The following APBB1IP variants were observed in gnomAD, a reference collection of about 807,000 sequenced individuals.
APBB1IP encodes the protein amyloid beta A4 precursor protein-binding family B member 1-interacting protein.
In APBB1IP, 27 loss-of-function variants were observed where a neutral mutation model predicts 64.9. The observed-to-expected ratio is 0.42, with a 90% CI of 0.31 to 0.57. APBB1IP has a LOEUF of 0.57. Among genes scored for constraint, APBB1IP ranks in the 20% least tolerant of loss-of-function variants. The pLI, the probability that APBB1IP is intolerant of heterozygous loss-of-function variation, is 0.20. For synonymous variants in APBB1IP, 392 were observed against 331.0 expected (o/e 1.18, Z -2.00); for missense variants, 812 against 845.5 (o/e 0.96, Z 0.49).
chr10:26,448,201 T>G (rs982755868), intron 2 of APBB1IP, among the ~76,000 whole-genome samples: 11 of 127,284 alleles, frequency 8.6e-5, no homozygotes, highest in African/African-American at 3.4e-4. Context: ...AATAGTAAGA[T>G]TATTTCATTT....
In APBB1IP at chr10:26,536,130, G is replaced by A. The variant is rs777572742; in HGVS notation, c.957G>A (p.Leu319=). The change falls in exon 10 of 15, where the codon TTG becomes TTA. Residue 319 remains leucine (L), a synonymous_variant. Transcript: ENST00000376236. ...IVPELEGALY[L]KEDGKKSWKR... ...CAGAACTGGAAGGAGCTCTTTATTTGAAAGAAGATGGAAAGAAATCCTGGA... is the reference window on the plus strand; with the variant it reads ...CAGAACTGGAAGGAGCTCTTTATTTAAAAGAAGATGGAAAGAAATCCTGGA... 5.0e-6 allele frequency: 8 copies of A among 1,604,432 alleles called. No individual in the cohort carries two copies. Among genetic ancestry groups the A allele is most frequent in the Non-Finnish European group, 6.8e-6 (8 of 1,176,324 alleles).
intron 2 of APBB1IP, among the ~76,000 whole-genome samples, chr10:26,455,675 G>A (rs1209693339): frequency 3.4e-5 from 5 of 148,828 alleles, no homozygotes; most frequent in African/African-American, 7.3e-5. Context: ...CAGCTGTTTA[G>A]AGTTTTGGGG....
chr10:26,455,345 T>C (rs554172312), intron 2 of APBB1IP, among the ~76,000 whole-genome samples: 1 of 151,840 alleles, frequency 6.6e-6, no homozygotes, highest in African/African-American at 2.4e-5. Context: ...CTGGCCAACA[T>C]GGTGAAGCCC....
chr10:26,472,265 A>G (rs1029583268), intron 2 of APBB1IP, among the ~76,000 whole-genome samples: 17 of 152,226 alleles, frequency 1.1e-4, no homozygotes, highest in Non-Finnish European at 2.1e-4. Context: ...CACATTTTCA[A>G]CAATAGAGCT....
chr10:26,559,485 G>A (rs1836938947), intron 11 of APBB1IP, among the ~76,000 whole-genome samples: 1 of 152,156 alleles, frequency 6.6e-6, no homozygotes, highest in Admixed American at 6.5e-5. Flanking sequence ...GCTGAGGAGG[G>A]AGGATCTCTT....
At chr10:26,509,934 GTCTC>G (rs1564364582) in intron 6 of APBB1IP, among the ~76,000 whole-genome samples, 1 of 152,066 alleles carries the variant, frequency 6.6e-6, no homozygotes, top group Non-Finnish European at 1.5e-5. Flanking sequence ...GAAAATCACG[GTCTC>G]TCTAACGAAT....
At chr10:26,451,440 C>T (rs1002286230) in intron 2 of APBB1IP, among the ~76,000 whole-genome samples, 18 of 152,212 alleles carry the variant, frequency 1.2e-4, no homozygotes, top group Non-Finnish European at 2.6e-4. Flanking sequence ...AAGCATTTCT[C>T]TCAGTCCTCA....
chr10:26,561,064 C>CTTTTTTTTTT lies in APBB1IP; in HGVS notation c.1369+235_1369+244dup, dbSNP rs764573338. 2.3e-3 allele frequency among the ~76,000 whole-genome samples: 156 copies of CTTTTTTTTTT among 69,230 alleles called. 2 individuals are homozygous for CTTTTTTTTTT. Among genetic ancestry groups the CTTTTTTTTTT allele is most frequent in the East Asian group, 3.7e-3 (8 of 2,134 alleles). 45.4% of individuals were successfully genotyped at this position (69,230 alleles called of 152,430 possible). On this transcript the variant is annotated intron_variant, in intron 13 of 14. Coordinates refer to ENST00000376236, the MANE Select transcript of APBB1IP (RefSeq NM_019043.4). ...CTTTTCTTTTTTTCTTTCTTTCTTT[C>CTTTTTTTTTT]TTTTTTTTTTTTTTTTTTTTTTTTG...
chr10:26,492,535 CT>C, intron 3 of APBB1IP, 137 bp downstream of exon 3: 1 of 742,318 alleles, frequency 1.3e-6, no homozygotes. Flanking sequence ...AATGTAGGTT[CT>C]TTTCTATTTT....
chr10:26,536,119 G>T lies in APBB1IP; in HGVS notation c.946G>T (p.Ala316Ser). Reference sequence around the variant, plus strand: ...TATCATTGTACCAGAACTGGAAGGAGCTCTTTATTTGAAAGAAGATGGAAA... The same window carrying T: ...TATCATTGTACCAGAACTGGAAGGATCTCTTTATTTGAAAGAAGATGGAAA... ...TSIIVPELEGALYLKEDGKKS... is the reference protein window; with the variant it reads ...TSIIVPELEGSLYLKEDGKKS... Residue 316 changes from alanine to serine, a missense_variant, in exon 10 of 15, where the codon GCT becomes TCT. Around this residue, in one of 3 missense-constraint regions of APBB1IP, gnomAD observed 394 missense variants for 413.1 expected, o/e 0.95. Transcript: ENST00000376236. 1 of 1,606,934 alleles carries T rather than the reference G, an allele frequency of 6.2e-7. No individual in the cohort carries two copies. The highest frequency in any genetic ancestry group is 8.5e-7 in the Non-Finnish European group (1 of 1,177,452).
chr10:26,443,661 T>C (rs1271567414), intron 2 of APBB1IP, among the ~76,000 whole-genome samples: 4 of 151,572 alleles, frequency 2.6e-5, no homozygotes, highest in Non-Finnish European at 5.9e-5. Context: ...CAGCCTCTCA[T>C]GTAGCTGGGA....
chr10:26,482,006 C>T (rs993711915), intron 2 of APBB1IP, among the ~76,000 whole-genome samples: 3 of 152,034 alleles, frequency 2.0e-5, no homozygotes, highest in Non-Finnish European at 4.4e-5. Context: ...GACAATATTG[C>T]TTACAAAAGG....
chr10:26,459,671 A>G (rs1274395866), intron 2 of APBB1IP, among the ~76,000 whole-genome samples: 1 of 152,088 alleles, frequency 6.6e-6, no homozygotes, highest in Non-Finnish European at 1.5e-5. Flanking sequence ...CTGTTTCCTC[A>G]GCTGTTAAGG....
chr10:26,511,635 CA>C lies in APBB1IP; in HGVS notation c.532-109del, dbSNP rs761169869. On this transcript the variant is annotated intron_variant, in intron 6 of 14. Coordinates refer to ENST00000376236, the MANE Select transcript of APBB1IP (RefSeq NM_019043.4). ...GTTAGTTTAGATGGAGCAAGTTCAC[CA>C]AACACATTCTTACAGAAATTTGCAG... 828 of 1,309,600 alleles carry C rather than the reference CA, an allele frequency of 6.3e-4. 12 individuals carry two copies. The highest frequency in any genetic ancestry group is 1.1e-3 in the Middle Eastern group (4 of 3,744). The allele number at this position is 1,309,600 out of a possible 1,614,324, so 81.1% of individuals were successfully genotyped here. A position where few individuals can be genotyped will look rare whatever the true frequency, so the allele number is the denominator to read the frequency against.
intron 13 of APBB1IP, chr10:26,561,939 T>G (rs1836978116): frequency 5.9e-6 from 1 of 170,898 alleles, no homozygotes; most frequent in Admixed American, 5.7e-5. Context: ...ATCAAGAATT[T>G]TTAAAAATAT....
chr10:26,551,092 C>T (rs1178218762), intron 11 of APBB1IP, among the ~76,000 whole-genome samples: 2 of 152,184 alleles, frequency 1.3e-5, no homozygotes, highest in Non-Finnish European at 2.9e-5. Context: ...GACCATGCCT[C>T]CCACAGCACA....
chr10:26,473,341 T>C (rs532128915), intron 2 of APBB1IP, among the ~76,000 whole-genome samples: 335 of 152,344 alleles, frequency 2.2e-3, no homozygotes, highest in African/African-American at 7.7e-3. Flanking sequence ...CATCAGTCTC[T>C]CTTGACTTTG....
chr10:26,450,819 C>A (rs1835457405), intron 2 of APBB1IP, among the ~76,000 whole-genome samples: 1 of 151,972 alleles, frequency 6.6e-6, no homozygotes, highest in Non-Finnish European at 1.5e-5. Context: ...CCTCAGCCTC[C>A]CAAGTAGCTG....
chr10:26,512,716 C>T (rs956807511), intron 7 of APBB1IP, among the ~76,000 whole-genome samples: 2 of 152,208 alleles, frequency 1.3e-5, no homozygotes, highest in South Asian at 4.2e-4. Flanking sequence ...AAGCACTCCT[C>T]CTGCCTCTGC....
Sources: allele counts gnomAD v4.1 joint callset (sites outside exome capture counted in the v4.1 genomes callset), GRCh38; gene constraint gnomAD v4.1.1; regional missense constraint gnomAD v4.1.1; transcripts MANE v1.5; gene names NCBI Gene and HGNC (gene_info 2026-07-23, HGNC 2026-07-21).